The following MAPK8IP2 variants were observed in gnomAD, a reference collection of about 807,000 sequenced individuals.
The protein encoded by MAPK8IP2 is C-Jun-amino-terminal kinase-interacting protein 2.
MAPK8IP2 carries 15 observed loss-of-function variants against 75.6 expected under a neutral mutation model. That is an observed-to-expected ratio of 0.20 (90% confidence interval 0.13 to 0.31). The LOEUF (loss-of-function observed/expected upper bound fraction) is 0.31. MAPK8IP2 is among the 10% of genes least tolerant of loss of function. The probability of loss-of-function intolerance (pLI) is 1.00; values close to 1 mark genes in which losing one functional copy is unlikely to be tolerated. For synonymous variants in MAPK8IP2, 632 were observed against 554.5 expected (o/e 1.14, Z -1.96); for missense variants, 1,089 against 1,211.2 (o/e 0.90, Z 1.50).
Position 50,604,601 on chromosome 22 carries a change from C to A in MAPK8IP2, c.1302C>A (p.Pro434=). 6.8e-7 allele frequency: 1 copy of A among 1,478,954 alleles called. No homozygotes were observed. Among genetic ancestry groups the A allele is most frequent in the South Asian group, 1.3e-5 (1 of 77,764 alleles). The allele number at this position is 1,478,954 out of a possible 1,614,324, so 91.6% of individuals were successfully genotyped here. Reference sequence around the variant, plus strand: ...GACCCGGCCCCGCGCAGCCCGGGCCCTGCCTATTCCTCAGCAACCCCACGC... The same window carrying A: ...GACCCGGCCCCGCGCAGCCCGGGCCATGCCTATTCCTCAGCAACCCCACGC... The part of the protein sequence containing the change: ...APRPGPAQPG[P]CLFLSNPTRD... Residue 434 remains proline (P), a synonymous_variant, in exon 5 of 12, where the codon CCC becomes CCA. Coordinates refer to ENST00000329492, the MANE Select transcript of MAPK8IP2 (RefSeq NM_012324.6).
chr22:50,610,885 T>C lies in MAPK8IP2; in HGVS notation c.*106T>C, dbSNP rs1229052141. The C allele has an allele frequency of 1.5e-5, 15 of 995,730 alleles. No homozygotes were observed. The East Asian group carries it at 3.2e-4, about 21-fold the overall frequency. The allele number at this position is 995,730 out of a possible 1,614,324, so 61.7% of individuals were successfully genotyped here. A position where few individuals can be genotyped will look rare whatever the true frequency, so the allele number is the denominator to read the frequency against. The stretch of plus-strand genomic sequence containing the variant: ...TGGCAAGGACTGGATTGGGGGGACA[T>C]GGGACCTTACGCTTGTGGGGGTCTG... On this transcript the variant is annotated 3_prime_UTR_variant, in exon 12 of 12. Coordinates refer to ENST00000329492, the MANE Select transcript of MAPK8IP2 (RefSeq NM_012324.6). The surrounding 1 kb of genome is among the most constrained non-coding windows in gnomAD (Gnocchi z 4.3).
In MAPK8IP2 at chr22:50,600,815, G is replaced by T; in HGVS notation, c.-4G>T. 1 of 1,284,566 alleles carries T rather than the reference G, an allele frequency of 7.8e-7. No homozygotes were observed. The highest frequency in any genetic ancestry group is 1.0e-6 in the Non-Finnish European group (1 of 989,342). 79.6% of individuals were successfully genotyped at this position (1,284,566 alleles called of 1,614,324 possible). ...GCCGCAGTCGCGGGCCTCTCCCGGAGAAGATGGCGGATCGCGCGGAGATGT... is the reference window on the plus strand; with the variant it reads ...GCCGCAGTCGCGGGCCTCTCCCGGATAAGATGGCGGATCGCGCGGAGATGT... On this transcript the variant is annotated 5_prime_UTR_variant, in exon 1 of 12. Transcript: ENST00000329492.
chr22:50,612,053 T>C lies in MAPK8IP2; in HGVS notation c.*1274T>C, dbSNP rs1308132577. 3 of 152,070 alleles carry C rather than the reference T, an allele frequency of 2.0e-5. No homozygotes were observed. Among genetic ancestry groups the C allele is most frequent in the Non-Finnish European group, 4.4e-5 (3 of 68,022 alleles). The allele number at this position is 152,070 out of a possible 1,614,324, so 9.4% of individuals were successfully genotyped here. A position where few individuals can be genotyped will look rare whatever the true frequency, so the allele number is the denominator to read the frequency against. On this transcript the variant is annotated 3_prime_UTR_variant, in exon 12 of 12. Transcript: ENST00000329492. Reference sequence around the variant, plus strand: ...TAGGTGTCCTGGCGCACACCTGTAATCCCAGCTACTCAGGAGGCTAAGGCA... The same window carrying C: ...TAGGTGTCCTGGCGCACACCTGTAACCCCAGCTACTCAGGAGGCTAAGGCA...
intron 10 of MAPK8IP2, among the ~76,000 whole-genome samples, chr22:50,609,334 G>T (rs927912905): frequency 3.9e-5 from 6 of 152,156 alleles, no homozygotes; most frequent in Non-Finnish European, 8.8e-5. Context: ...CTCCATCAGG[G>T]CCCTACCTCA....
chr22:50,604,106 G>T lies in MAPK8IP2; in HGVS notation c.807G>T (p.Ser269=), dbSNP rs2070994826. The T allele has an allele frequency of 6.4e-7, 1 of 1,551,974 alleles. No individual in the cohort carries two copies. Among genetic ancestry groups the T allele is most frequent in the Middle Eastern group, 1.9e-4 (1 of 5,398 alleles). ...GCGCGCGCCTGGGGCGCATGATCTC[G>T]TCCATCTCGGAGACGGAGCTGGAGC... ...AGGARLGRMI[S]SISETELELS... is the part of the protein sequence containing the mutation. The change falls in exon 5 of 12, where the codon TCG becomes TCT. Residue 269 remains serine, a synonymous_variant. Coordinates refer to ENST00000329492, the MANE Select transcript of MAPK8IP2 (RefSeq NM_012324.6).
chr22:50,604,432 G>T lies in MAPK8IP2; in HGVS notation c.1133G>T (p.Arg378Leu), dbSNP rs927707182. 6.9e-7 allele frequency: 1 copy of T among 1,442,938 alleles called. No individual in the cohort carries two copies. Among genetic ancestry groups the T allele is most frequent in the Non-Finnish European group, 9.1e-7 (1 of 1,100,876 alleles). 89.4% of individuals were successfully genotyped at this position (1,442,938 alleles called of 1,614,324 possible). The change falls in exon 5 of 12, where the codon CGC (arginine) becomes CTC (leucine). Residue 378 changes from arginine to leucine, a missense_variant. Arg to Leu is a moderately radical substitution (Grantham distance 102, BLOSUM62 -2). Coordinates refer to ENST00000329492, the MANE Select transcript of MAPK8IP2 (RefSeq NM_012324.6). ...GGCCAGTGCCTGTCTCCTGCGCCGC[G>T]CCCGCCCGGGGAGCCCGTGTCGCCG... ...CPGQCLSPAP[R>L]PPGEPVSPAG...
Position 50,605,547 on chromosome 22 carries a change from CT to C in MAPK8IP2, c.1842-14del. ...ATCCCGCCCCCCTCCCCAGTGACCT[CT>C]CCCCCAACGGCAGGTTCATCCCGCG... On this transcript the variant is annotated splice_polypyrimidine_tract_variant and intron_variant, in intron 6 of 11. Coordinates refer to ENST00000329492, the MANE Select transcript of MAPK8IP2 (RefSeq NM_012324.6). The C allele has an allele frequency of 1.5e-6, 2 of 1,320,562 alleles. No homozygotes were observed. The highest frequency in any genetic ancestry group is 1.0e-6 in the Non-Finnish European group (1 of 966,142). 81.8% of individuals were successfully genotyped at this position (1,320,562 alleles called of 1,614,324 possible). A position where few individuals can be genotyped will look rare whatever the true frequency, so the allele number is the denominator to read the frequency against.
chr22:50,612,613 C>T lies in MAPK8IP2; in HGVS notation c.*1834C>T. On this transcript the variant is annotated 3_prime_UTR_variant, in exon 12 of 12. Transcript: ENST00000329492. The stretch of plus-strand genomic sequence containing the variant: ...CCCCAGAGAGACCGAGGACGCAGAC[C>T]AGTGGCACGACGGAAACGCAGAACG... The T allele has an allele frequency of 6.6e-6, 1 of 152,496 alleles. No individual in the cohort carries two copies. Among genetic ancestry groups the T allele is most frequent in the Non-Finnish European group, 1.5e-5 (1 of 68,098 alleles). 9.4% of individuals were successfully genotyped at this position (152,496 alleles called of 1,614,324 possible). A position where few individuals can be genotyped will look rare whatever the true frequency, so the allele number is the denominator to read the frequency against.
chr22:50,600,800 C>A lies in MAPK8IP2; in HGVS notation c.-19C>A. ...GCTCCCGCACCCCCCGCCGCAGTCG[C>A]GGGCCTCTCCCGGAGAAGATGGCGG... On this transcript the variant is annotated 5_prime_UTR_variant, in exon 1 of 12. Coordinates refer to ENST00000329492, the MANE Select transcript of MAPK8IP2 (RefSeq NM_012324.6). 1.6e-6 allele frequency: 2 copies of A among 1,246,314 alleles called. No homozygotes were observed. Among genetic ancestry groups the A allele is most frequent in the Non-Finnish European group, 2.1e-6 (2 of 966,994 alleles). 77.2% of individuals were successfully genotyped at this position (1,246,314 alleles called of 1,614,324 possible). A position where few individuals can be genotyped will look rare whatever the true frequency, so the allele number is the denominator to read the frequency against.
intron 10 of MAPK8IP2, among the ~76,000 whole-genome samples, chr22:50,608,270 CG>C (rs2071082787): frequency 6.6e-6 from 1 of 151,142 alleles, no homozygotes; most frequent in Non-Finnish European, 1.5e-5. Context: ...GGTGGGACAG[CG>C]GGCAGCGATG....
chr22:50,601,453 G>GA, intron 1 of MAPK8IP2: 2 of 243,938 alleles, frequency 8.2e-6, no homozygotes, highest in East Asian at 8.4e-5. Context: ...CCGCTGCCGC[G>GA]TTGCAGCTCC....
At chr22:50,601,741 G>A in intron 1 of MAPK8IP2, 48 bp from the exon 2 acceptor site, 6 of 1,478,236 alleles carry the variant, frequency 4.1e-6, no homozygotes, top group Non-Finnish European at 4.7e-6. Context: ...CAGTTGCCAG[G>A]CAGGGAGTCC....
At chr22:50,601,672 G>A in intron 1 of MAPK8IP2, 117 bp from the exon 2 acceptor site, 2 of 695,852 alleles carry the variant, frequency 2.9e-6, no homozygotes, top group Non-Finnish European at 5.1e-6. Context: ...CCGAGAGCTG[G>A]GGGCTGTGGA....
intron 5 of MAPK8IP2, 23 bp from the exon 6 acceptor site, chr22:50,605,345 C>T: frequency 6.2e-7 from 1 of 1,610,390 alleles, no homozygotes; most frequent in Non-Finnish European, 8.5e-7. Flanking sequence ...TCTCCCCCGC[C>T]TCTGTCCTGC....
rs889628641 is a variant in MAPK8IP2, at chr22:50,605,018, C to T, written c.1719C>T (p.Ser573=). The T allele has an allele frequency of 3.1e-6, 5 of 1,612,446 alleles. No homozygotes were observed. The Admixed American group carries it at 6.7e-5, about 21-fold the overall frequency. ...TSPDSPDLTF[S]KKFLNVFVNS... ...CGGACAGCCCTGACCTCACTTTCTC[C>T]AAGAAGTTCCTCAATGTCTTCGTCA... Residue 573 remains serine (S), a synonymous_variant, in exon 5 of 12, where the codon TCC becomes TCT. Transcript: ENST00000329492.
In MAPK8IP2 at chr22:50,603,905, G is replaced by C. The variant is rs771836602; in HGVS notation, c.606G>C (p.Pro202=). Residue 202 remains proline, a synonymous_variant, in exon 5 of 12, where the codon CCG becomes CCC. Transcript: ENST00000329492. ...GPGGAQSPVR[P]GCDCEGNRPA... is the part of the protein sequence containing the mutation. ...GCGGGGCGCAGTCGCCAGTGCGCCC[G>C]GGTTGCGACTGCGAAGGGAACCGGC... The C allele has an allele frequency of 1.8e-5, 27 of 1,537,302 alleles. No individual in the cohort carries two copies. The African/African-American group carries it at 3.6e-4, about 20-fold the overall frequency.
rs967523435 is a variant in MAPK8IP2, at chr22:50,605,984, A to C, written c.2124+50A>C. 6.4e-5 allele frequency: 89 copies of C among 1,397,572 alleles called. 1 individual carries two copies. Among genetic ancestry groups the C allele is most frequent in the Non-Finnish European group, 8.0e-5 (82 of 1,020,802 alleles). The allele number at this position is 1,397,572 out of a possible 1,614,324, so 86.6% of individuals were successfully genotyped here. A position where few individuals can be genotyped will look rare whatever the true frequency, so the allele number is the denominator to read the frequency against. On this transcript the variant is annotated intron_variant, in intron 8 of 11. Transcript: ENST00000329492. Reference sequence around the variant, plus strand: ...CAGGCTGAGGGTCCGCTTGGCGGCCACACCAGCACTGCAGGCTGGCACAGG... The same window carrying C: ...CAGGCTGAGGGTCCGCTTGGCGGCCCCACCAGCACTGCAGGCTGGCACAGG...
Position 50,603,430 on chromosome 22 carries a change from T to C in MAPK8IP2, c.379T>C (p.Ser127Pro). ...ACCTGCCCCCGGGCCCCTTATCCCC[T>C]CCCCTTCCGTGGAGGAGCCCCACAA... ...EAPAPGPLIP[S>P]PSVEEPHKHR... The change falls in exon 3 of 12, where the codon TCC becomes CCC. Residue 127 changes from serine (S) to proline (P), a missense_variant. Ser to Pro is a moderately conservative substitution (Grantham distance 74, BLOSUM62 -1). This residue lies in a region of MAPK8IP2 where 960 missense variants were observed against 1,009.6 expected (regional missense o/e 0.95). Transcript: ENST00000329492. The C allele has an allele frequency of 1.3e-6, 2 of 1,567,004 alleles. No individual in the cohort carries two copies. Among genetic ancestry groups the C allele is most frequent in the Non-Finnish European group, 1.7e-6 (2 of 1,154,890 alleles).
intron 8 of MAPK8IP2, 54 bp downstream of exon 8, chr22:50,605,988 C>A: frequency 1.5e-6 from 2 of 1,366,224 alleles, no homozygotes; most frequent in South Asian, 1.3e-5. Flanking sequence ...GCGGCCACAC[C>A]AGCACTGCAG....
Sources: gnomAD v4.1 joint callset for allele counts (sites outside exome capture counted in the v4.1 genomes callset) on GRCh38, gnomAD v4.1.1 for gene constraint, gnomAD v4.1.1 regional missense constraint, Gnocchi (gnomAD v3.1) non-coding constraint, MANE v1.5 for transcripts, NCBI Gene and HGNC (gene_info 2026-07-23, HGNC 2026-07-21) for gene names.